The following STARD13 variants were observed in gnomAD, a reference collection of about 807,000 sequenced individuals.
STARD13 encodes the protein StAR related lipid transfer domain containing 13, also known as stAR-related lipid transfer protein 13.
STARD13 carries 62 observed loss-of-function variants against 106.4 expected under a neutral mutation model. That is an observed-to-expected ratio of 0.58 (90% CI 0.48 to 0.72). The LOEUF (loss-of-function observed/expected upper bound fraction) is 0.72, where lower values mean the gene tolerates loss of function less well. Ranked by LOEUF, STARD13 falls within the 30% of genes least tolerant of loss-of-function variation. The pLI, the probability that STARD13 is intolerant of heterozygous loss-of-function variation, is 0.00. For synonymous variants in STARD13, 565 were observed against 553.0 expected, an observed-to-expected ratio of 1.02 and a Z score of -0.31; for missense variants, 1,387 against 1,424.0, an observed-to-expected ratio of 0.97 and a Z score of 0.42.
At chr13:33,489,659 T>C in the STARD13 span, among the ~76,000 whole-genome samples, 2 of 152,254 alleles carry the variant, frequency 1.3e-5, no homozygotes, top group African/African-American at 4.8e-5. Context: ...TATGAAGTAA[T>C]TTACTTATCC....
the STARD13 span, among the ~76,000 whole-genome samples, chr13:33,434,486 A>T: frequency 1.5e-3 from 225 of 152,266 alleles, no homozygotes; most frequent in African/African-American, 5.0e-3. Context: ...AGTGAGGACG[A>T]TACTTCCAAT....
chr13:33,180,421 A>G (rs967236459), intron 1 of STARD13: 2 of 152,010 alleles, frequency 1.3e-5, no homozygotes, highest in African/African-American at 4.8e-5. Flanking sequence ...ATAACCAAAC[A>G]CTCCAGGACC....
the STARD13 span, among the ~76,000 whole-genome samples, chr13:33,447,090 A>G: frequency 6.6e-6 from 1 of 152,240 alleles, no homozygotes; most frequent in Admixed American, 6.5e-5. Flanking sequence ...TCTGAAAAAC[A>G]AAACTGATTA....
At chr13:33,152,644 A>C (rs918460130) in intron 3 of STARD13, among the ~76,000 whole-genome samples, 2 of 152,088 alleles carry the variant, frequency 1.3e-5, no homozygotes, top group African/African-American at 4.8e-5. Context: ...CTCATCCCCT[A>C]CCCACCATGG....
At chr13:33,630,279 T>C in the STARD13 span, among the ~76,000 whole-genome samples, 1 of 152,146 alleles carries the variant, frequency 6.6e-6, no homozygotes, top group Non-Finnish European at 1.5e-5. Context: ...TCCCAGCTCC[T>C]CTCATTTTTT....
the STARD13 span, among the ~76,000 whole-genome samples, chr13:33,578,289 G>A: frequency 7.9e-5 from 12 of 152,060 alleles, no homozygotes; most frequent in Non-Finnish European, 1.8e-4. Context: ...CATGGTATTG[G>A]TATAAATATA....
intron 3 of STARD13, among the ~76,000 whole-genome samples, chr13:33,161,071 T>G (rs1882564155): frequency 6.6e-6 from 1 of 152,214 alleles, no homozygotes; most frequent in African/African-American, 2.4e-5. Context: ...AATGCAAGAC[T>G]ATTCAGAAAT....
the STARD13 span, among the ~76,000 whole-genome samples, chr13:33,474,722 A>G: frequency 6.6e-6 from 1 of 152,204 alleles, no homozygotes; most frequent in Admixed American, 6.5e-5. Flanking sequence ...AGTTTGGAAG[A>G]GAAAGTTATA....
the STARD13 span, among the ~76,000 whole-genome samples, chr13:33,385,008 A>T: frequency 6.6e-6 from 1 of 151,506 alleles, no homozygotes; most frequent in Non-Finnish European, 1.5e-5. Flanking sequence ...TTGGAAATCC[A>T]GATTTTTAGT....
chr13:33,589,409 C>T, the STARD13 span, among the ~76,000 whole-genome samples: 1 of 152,176 alleles, frequency 6.6e-6, no homozygotes, highest in Non-Finnish European at 1.5e-5. Context: ...AATTTTAGAT[C>T]TTTTCTGCTT....
In STARD13 at chr13:33,128,934, T is replaced by C. The variant is rs772767909; in HGVS notation, c.1743A>G (p.Pro581=). The C allele has an allele frequency of 1.9e-6, 3 of 1,606,202 alleles. No homozygotes were observed. Among genetic ancestry groups the C allele is most frequent in the African/African-American group, 2.7e-5 (2 of 74,526 alleles). ...DSGVGASLTR[P]NRRLRWNSFQ... ...CACAAGTGCATGCCACCTACCTGTTTGGCCTGGTCAGAGAGGCCCCTACAC... is the reference window on the plus strand; with the variant it reads ...CACAAGTGCATGCCACCTACCTGTTCGGCCTGGTCAGAGAGGCCCCTACAC... The change falls in exon 5 of 14, where the codon CCA becomes CCG. Residue 581 remains proline (P), a synonymous_variant. Coordinates refer to ENST00000336934, the MANE Select transcript of STARD13 (RefSeq NM_178006.4).
chr13:33,443,458 C>T, the STARD13 span, among the ~76,000 whole-genome samples: 2 of 37,670 alleles, frequency 5.3e-5, no homozygotes, highest in Admixed American at 3.8e-4. Flanking sequence ...GGTCCCCCCC[C>T]CAAAAAAAAA....
chr13:33,616,028 A>T, the STARD13 span, among the ~76,000 whole-genome samples: 42 of 152,296 alleles, frequency 2.8e-4, no homozygotes, highest in Non-Finnish European at 4.6e-4. Flanking sequence ...GTGTTGTATT[A>T]TTTAACATTT....
chr13:33,584,714 A>T, the STARD13 span, among the ~76,000 whole-genome samples: 742 of 152,192 alleles, frequency 4.9e-3, 2 homozygotes, highest in Non-Finnish European at 7.9e-3. Context: ...CAAGTACCTT[A>T]AGACTGTCCC....
the STARD13 span, among the ~76,000 whole-genome samples, chr13:33,499,224 A>T: frequency 6.6e-6 from 1 of 152,256 alleles, no homozygotes; most frequent in Non-Finnish European, 1.5e-5. Context: ...TGATAATCTT[A>T]TGTTTATAAA....
chr13:33,538,996 C>G, the STARD13 span, among the ~76,000 whole-genome samples: 18 of 152,082 alleles, frequency 1.2e-4, no homozygotes, highest in African/African-American at 4.3e-4. Context: ...GTCTCAATCT[C>G]CTGACCTTGT....
chr13:33,398,764 T>C, the STARD13 span, among the ~76,000 whole-genome samples: 1 of 152,176 alleles, frequency 6.6e-6, no homozygotes, highest in Non-Finnish European at 1.5e-5. Context: ...TACACCAGTG[T>C]TTGTGAGGAT....
the STARD13 span, among the ~76,000 whole-genome samples, chr13:33,469,465 AT>A: frequency 6.6e-6 from 1 of 152,220 alleles, no homozygotes; most frequent in Non-Finnish European, 1.5e-5. Context: ...TTTACATGAT[AT>A]CCCCCTCACT....
At chr13:33,331,036 T>C (rs1403184349) in intron 1 of STARD13, among the ~76,000 whole-genome samples, 1 of 152,202 alleles carries the variant, frequency 6.6e-6, no homozygotes, top group Non-Finnish European at 1.5e-5. Flanking sequence ...GATTCACATA[T>C]TTTTGTCATC....
Sources: allele counts gnomAD v4.1 joint callset (sites outside exome capture counted in the v4.1 genomes callset), GRCh38; gene constraint gnomAD v4.1.1; transcripts MANE v1.5; gene names NCBI Gene and HGNC (gene_info 2026-07-23, HGNC 2026-07-21).